UGT1A8: variants seen among roughly 807,000 people sequenced by gnomAD.
UGT1A8 encodes the protein UDP glucuronosyltransferase family 1 member A8, also known as UDP-glucuronosyltransferase 1A8.
UGT1A8 carries 39 observed loss-of-function variants against 45.3 expected under a neutral mutation model. The observed-to-expected ratio is 0.86, with a 90% CI of 0.67 to 1.12. The LOEUF (loss-of-function observed/expected upper bound fraction) is 1.12. Among genes scored for constraint, UGT1A8 ranks in the 50% most tolerant of loss-of-function variants. The pLI is 0.00. For synonymous variants in UGT1A8, 275 were observed against 249.2 expected, an observed-to-expected ratio of 1.10 and a Z score of -0.97; for missense variants, 719 against 664.9, an observed-to-expected ratio of 1.08 and a Z score of -0.90.
chr2:233,626,029 G>A (rs2073079264), intron 1 of UGT1A8, among the ~76,000 whole-genome samples: 2 of 152,050 alleles, frequency 1.3e-5, no homozygotes, highest in East Asian at 3.8e-4. Context: ...AGTAGATGTT[G>A]GTCTTACTGT....
chr2:233,678,630 T>C (rs1405477572), intron 1 of UGT1A8, among the ~76,000 whole-genome samples: 2 of 152,232 alleles, frequency 1.3e-5, no homozygotes, highest in Non-Finnish European at 1.5e-5. Flanking sequence ...TAGAAGTCAA[T>C]AGCAGTCTTA....
At chr2:233,646,691 C>T (rs1043928412) in intron 1 of UGT1A8, among the ~76,000 whole-genome samples, 1 of 152,192 alleles carries the variant, frequency 6.6e-6, no homozygotes, top group South Asian at 2.1e-4. Context: ...TTTGAAACCA[C>T]CTCAGTCTGG....
At chr2:233,712,962 G>A (rs1424836209) in intron 1 of UGT1A8, 3 of 1,612,762 alleles carry the variant, frequency 1.9e-6, no homozygotes, top group African/African-American at 2.7e-5. Flanking sequence ...ACGTGGGGTG[G>A]ACAGTCAGCT....
At chr2:233,651,950 T>C (rs916653946) in intron 1 of UGT1A8, among the ~76,000 whole-genome samples, 1 of 151,988 alleles carries the variant, frequency 6.6e-6, no homozygotes, top group South Asian at 2.1e-4. Flanking sequence ...TTAACCAAGA[T>C]AGCAGATCAT....
chr2:233,755,915 AGTGGC>A (rs1696065119), intron 1 of UGT1A8: 1 of 150,558 alleles, frequency 6.6e-6, no homozygotes, highest in Non-Finnish European at 1.5e-5. Flanking sequence ...TAGTGAGAAG[AGTGGC>A]ATCGTTTTAC....
intron 1 of UGT1A8, chr2:233,744,153 G>A (rs1282239718): frequency 6.6e-6 from 2 of 302,660 alleles, no homozygotes; most frequent in Non-Finnish European, 1.3e-5. Flanking sequence ...TCCAAGACCA[G>A]GCCCCGCCCA....
chr2:233,648,155 C>A, intron 1 of UGT1A8: 1 of 1,180,360 alleles, frequency 8.5e-7, no homozygotes, highest in Non-Finnish European at 1.2e-6. Flanking sequence ...CGCTTATTTT[C>A]TCTATTAATG....
rs1692213854 is a variant in UGT1A8 at position 233,743,141 on chromosome 2, AG to A, written c.856-23892del. Reference sequence around the variant, plus strand: ...AAAGTTCACTTTCAATCCTAAAAAAAGTCCGCTATTCCTCCAGATGTGCTTA... The same window carrying A: ...AAAGTTCACTTTCAATCCTAAAAAAATCCGCTATTCCTCCAGATGTGCTTA... On this transcript the variant is annotated intron_variant, in intron 1 of 4. Transcript: ENST00000373450. The A allele has an allele frequency of 1.1e-5, 4 of 356,900 alleles. No individual in the cohort carries two copies. The Admixed American group carries it at 1.1e-4, about 10-fold the overall frequency. The allele number at this position is 356,900 out of a possible 1,614,324, so 22.1% of individuals were successfully genotyped here.
intron 1 of UGT1A8, among the ~76,000 whole-genome samples, chr2:233,623,352 C>T (rs1242201737): frequency 6.6e-6 from 1 of 152,106 alleles, no homozygotes; most frequent in Non-Finnish European, 1.5e-5. Flanking sequence ...TTCTTCCTAT[C>T]CATGAGCATG....
intron 1 of UGT1A8, among the ~76,000 whole-genome samples, chr2:233,700,926 T>C (rs1403667263): frequency 6.6e-6 from 1 of 152,008 alleles, no homozygotes; most frequent in East Asian, 1.9e-4. Context: ...CCTGTGTCTG[T>C]GTGTGATTGT....
chr2:233,737,646 G>T (rs1166167912), intron 1 of UGT1A8, among the ~76,000 whole-genome samples: 1 of 152,194 alleles, frequency 6.6e-6, no homozygotes, highest in African/African-American at 2.4e-5. Flanking sequence ...CGTCGATCAT[G>T]CTGGGAGCTG....
At chr2:233,686,426 C>T (rs2074789330) in intron 1 of UGT1A8, among the ~76,000 whole-genome samples, 1 of 152,150 alleles carries the variant, frequency 6.6e-6, no homozygotes, top group Non-Finnish European at 1.5e-5. Context: ...TAAACACACG[C>T]ATGCTTGACA....
intron 1 of UGT1A8, among the ~76,000 whole-genome samples, chr2:233,660,713 C>G (rs772591843): frequency 1.3e-5 from 2 of 152,162 alleles, no homozygotes; most frequent in Admixed American, 1.3e-4. Flanking sequence ...GCCCGCTTCT[C>G]TTCCTTACTT....
At position 233,747,294 on chromosome 2, in the gene UGT1A8, G is replaced by T. The variant is rs1361092863; in HGVS notation, c.856-19740G>T. 2.5e-6 allele frequency: 4 copies of T among 1,601,728 alleles called. No homozygotes were observed. In the Admixed American group the frequency reaches 6.7e-5, roughly 27 times the overall value. ...TTCTCAGTGCCCAGCCCTGGGCTGA[G>T]AGTGGGAAGGTGCTGGTGGTACCCA... On this transcript the variant is annotated intron_variant, in intron 1 of 4. Transcript: ENST00000373450.
rs548179341 is a variant in UGT1A8 at position 233,739,425 on chromosome 2, G to A, written c.856-27609G>A. ...GCCACCCTCTGAAAGCAGCCAGGACGAGGGCTTTACCCTGCAAAGCCACAG... is the reference window on the plus strand; with the variant it reads ...GCCACCCTCTGAAAGCAGCCAGGACAAGGGCTTTACCCTGCAAAGCCACAG... On this transcript the variant is annotated intron_variant, in intron 1 of 4. Transcript: ENST00000373450. Among the ~76,000 whole-genome samples the A allele has an allele frequency of 5.9e-5, 9 of 152,320 alleles. No individual in the cohort carries two copies. The East Asian group carries it at 7.7e-4, about 13-fold the overall frequency.
chr2:233,644,160 C>T (rs1190567905), intron 1 of UGT1A8, among the ~76,000 whole-genome samples: 1 of 152,142 alleles, frequency 6.6e-6, no homozygotes, highest in African/African-American at 2.4e-5. Context: ...GACTAGACTG[C>T]CTTTCAAGTT....
At chr2:233,715,755 G>T (rs1575510895) in intron 1 of UGT1A8, among the ~76,000 whole-genome samples, 1 of 152,198 alleles carries the variant, frequency 6.6e-6, no homozygotes, top group Middle Eastern at 3.2e-3. Flanking sequence ...CTGAGTGACA[G>T]AGCGAGGACC....
At chr2:233,679,308 C>A (rs139056662) in intron 1 of UGT1A8, among the ~76,000 whole-genome samples, 28 of 152,316 alleles carry the variant, frequency 1.8e-4, no homozygotes, top group African/African-American at 6.0e-4. Flanking sequence ...CTTGATGGAA[C>A]CAATCCAGAA....
chr2:233,628,009 T>G (rs1485061420), intron 1 of UGT1A8, among the ~76,000 whole-genome samples: 1 of 152,082 alleles, frequency 6.6e-6, no homozygotes, highest in African/African-American at 2.4e-5. Flanking sequence ...TCACATGCAC[T>G]TAAGCCACAC....
Sources: gnomAD v4.1 joint callset for allele counts (sites outside exome capture counted in the v4.1 genomes callset) on GRCh38, gnomAD v4.1.1 for gene constraint, MANE v1.5 for transcripts, NCBI Gene and HGNC (gene_info 2026-07-23, HGNC 2026-07-21) for gene names.